Variants in SLC25A28 observed in about 807,000 individuals in gnomAD.
SLC25A28 encodes solute carrier family 25 member 28, also known as mitoferrin-2.
SLC25A28 carries 10 observed loss-of-function variants against 31.9 expected under a neutral mutation model. That is an observed-to-expected ratio of 0.31 (90% CI 0.19 to 0.53). The LOEUF (loss-of-function observed/expected upper bound fraction) is 0.53, where lower values mean the gene tolerates loss of function less well. Ranked by LOEUF, SLC25A28 falls within the 20% of genes least tolerant of loss-of-function variation. SLC25A28 has a pLI of 0.95. For missense variants in SLC25A28, 256 were observed against 490.3 expected (o/e 0.52, Z 4.51); for synonymous variants, 208 against 203.6 (o/e 1.02, Z -0.19).
At chr10:99,621,054 G>A (rs2034783143), upstream of SLC25A28, 1 of 881,892 alleles carries the variant, frequency 1.1e-6, no homozygotes, top group Non-Finnish European at 1.4e-6. Context: ...CGTGAGGCGG[G>A]GCCGGCCTGG....
In SLC25A28 at chr10:99,611,904, A is replaced by C. The variant is rs1193796804; in HGVS notation, c.578-538T>G. 6.6e-6 allele frequency among the ~76,000 whole-genome samples: 1 copy of C among 152,230 alleles called. No individual in the cohort carries two copies. The highest frequency in any genetic ancestry group is 1.5e-5 in the Non-Finnish European group (1 of 68,042). ...TCTTCAAACACCTCCCACTCCCTCA[A>C]GTAGATAACATGGTGTGAGCTCTGT... On this transcript the variant is annotated intron_variant, in intron 3 of 3. Coordinates refer to ENST00000370495, the MANE Select transcript of SLC25A28 (RefSeq NM_031212.4). This position sits in a 1 kb window ranked among gnomAD's most constrained non-coding sequence, Gnocchi z 5.5.
At chr10:99,640,963 C>A in the SLC25A28 span, among the ~76,000 whole-genome samples, 18 of 152,302 alleles carry the variant, frequency 1.2e-4, no homozygotes, top group East Asian at 2.9e-3. Flanking sequence ...TCCAGTCTAT[C>A]ATTGGTGGAC....
rs2034754472 is a variant in SLC25A28 at position 99,620,215 on chromosome 10, C to CTT, written c.120_121insAA (p.Ala41LysfsTer50). On this transcript the variant is annotated frameshift_variant, in exon 1 of 4. Transcript: ENST00000370495. LOFTEE classifies it high-confidence loss of function. Reference sequence around the variant, plus strand: ...CAGGCCCCGGCCTCCCCGCCGCCGGCCCCCCGGCCCACGCCCCGCTGCAGC... The same window carrying CTT: ...CAGGCCCCGGCCTCCCCGCCGCCGGCTTCCCCCGGCCCACGCCCCGCTGCAGC... The CTT allele has an allele frequency of 1.4e-6, 2 of 1,394,038 alleles. No homozygotes were observed. Among genetic ancestry groups the CTT allele is most frequent in the East Asian group, 6.1e-5 (2 of 32,830 alleles). The allele number at this position is 1,394,038 out of a possible 1,614,324, so 86.4% of individuals were successfully genotyped here. A position where few individuals can be genotyped will look rare whatever the true frequency, so the allele number is the denominator to read the frequency against.
At chr10:99,625,938 G>A in the SLC25A28 span, among the ~76,000 whole-genome samples, 3 of 152,196 alleles carry the variant, frequency 2.0e-5, no homozygotes, top group Admixed American at 6.5e-5. Flanking sequence ...CAGACCACTT[G>A]TGCTCAGACA....
Position 99,612,602 on chromosome 10 carries a change from G to A in SLC25A28, c.521-3C>T. 6.2e-7 allele frequency: 1 copy of A among 1,614,158 alleles called. No individual in the cohort carries two copies. Among genetic ancestry groups the A allele is most frequent in the Middle Eastern group, 1.7e-4 (1 of 6,060 alleles). ...TGTTGCCACACACCCGGCCGCACCTGCAAACAAGAAAACAACTGCCACATG... is the reference window on the plus strand; with the variant it reads ...TGTTGCCACACACCCGGCCGCACCTACAAACAAGAAAACAACTGCCACATG... On this transcript the variant is annotated splice_region_variant and splice_polypyrimidine_tract_variant and intron_variant, in intron 2 of 3. Transcript: ENST00000370495.
chr10:99,656,538 T>C, the SLC25A28 span, among the ~76,000 whole-genome samples: 13 of 152,006 alleles, frequency 8.6e-5, no homozygotes, highest in African/African-American at 2.9e-4. Flanking sequence ...TGAAGAGAGA[T>C]GGGTAAACTT....
chr10:99,622,706 A>G (rs2034819353), upstream of SLC25A28: 13 of 985,450 alleles, frequency 1.3e-5, no homozygotes, highest in Non-Finnish European at 1.3e-5. Flanking sequence ...TTCTCTAGCC[A>G]TTGAAGTGGA....
At chr10:99,659,220 G>A in the SLC25A28 span, among the ~76,000 whole-genome samples, 5 of 152,356 alleles carry the variant, frequency 3.3e-5, no homozygotes, top group African/African-American at 7.2e-5. The surrounding 1 kb of genome is among the most constrained non-coding windows in gnomAD (Gnocchi z 4.1). Context: ...AGGGAAGCGG[G>A]CACAGGGCCG....
chr10:99,646,368 G>A, the SLC25A28 span, among the ~76,000 whole-genome samples: 1 of 152,242 alleles, frequency 6.6e-6, no homozygotes, highest in South Asian at 2.1e-4. Flanking sequence ...CCATGTGTGG[G>A]ATATAATCTC....
the SLC25A28 span, among the ~76,000 whole-genome samples, chr10:99,628,066 G>C: frequency 1.3e-5 from 2 of 152,188 alleles, no homozygotes; most frequent in Admixed American, 1.3e-4. Context: ...ATTCTCCTGA[G>C]AGCAAAGTAA....
At position 99,612,528 on chromosome 10, in the gene SLC25A28, T is replaced by C. The variant is rs752481720; in HGVS notation, c.577+15A>G. ...GTGCAGCTGCCCACAGAGTGATAGGTTGAGGAATCATTACCTTCCGCAGGG... is the reference window on the plus strand; with the variant it reads ...GTGCAGCTGCCCACAGAGTGATAGGCTGAGGAATCATTACCTTCCGCAGGG... On this transcript the variant is annotated intron_variant, in intron 3 of 3. Coordinates refer to ENST00000370495, the MANE Select transcript of SLC25A28 (RefSeq NM_031212.4). 6.2e-6 allele frequency: 10 copies of C among 1,613,820 alleles called. No individual in the cohort carries two copies. Among genetic ancestry groups the C allele is most frequent in the South Asian group, 4.4e-5 (4 of 91,084 alleles).
chr10:99,631,878 A>ATT, the SLC25A28 span, among the ~76,000 whole-genome samples: 9,538 of 92,334 alleles, frequency 0.1, 2,867 homozygotes, highest in East Asian at 0.2. Context: ...TCAGTATGTT[A>ATT]TTTTTTTTTT....
rs977889963 is a variant in SLC25A28, at chr10:99,613,216, G to C, written c.520+480C>G. ...CCTTGGCCCCACCCCCATTCATTTT[G>C]TCATGAGGCTTTGTCATGTTCTCAA... On this transcript the variant is annotated intron_variant, in intron 2 of 3. Coordinates refer to ENST00000370495, the MANE Select transcript of SLC25A28 (RefSeq NM_031212.4). This position sits in a 1 kb window ranked among gnomAD's most constrained non-coding sequence, Gnocchi z 4.9. Among the ~76,000 whole-genome samples the C allele has an allele frequency of 1.3e-5, 2 of 152,050 alleles. No homozygotes were observed. The highest frequency in any genetic ancestry group is 2.9e-5 in the Non-Finnish European group (2 of 68,012).
chr10:99,616,296 T>TA (rs764683854), intron 1 of SLC25A28: 8 of 827,718 alleles, frequency 9.7e-6, no homozygotes, highest in Admixed American at 6.2e-5. Context: ...GTATGTCACT[T>TA]AACCTCTTTA....
chr10:99,635,033 A>G, the SLC25A28 span, among the ~76,000 whole-genome samples: 3 of 152,356 alleles, frequency 2.0e-5, no homozygotes, highest in South Asian at 6.2e-4. Context: ...AAAATTTTGT[A>G]TCCAGCAAGA....
chr10:99,624,187 CCTTCCTTCTTT>C (rs2034840983), upstream of SLC25A28, among the ~76,000 whole-genome samples: 1 of 144,284 alleles, frequency 6.9e-6, no homozygotes, highest in Non-Finnish European at 1.5e-5. Context: ...TTTTTTTCTT[CCTTCCTTCTTT>C]CTTTGTTTCT....
At chr10:99,653,825 C>A in the SLC25A28 span, 1 of 152,134 alleles carries the variant, frequency 6.6e-6, no homozygotes, top group South Asian at 2.1e-4. Context: ...CCAAACATAC[C>A]TGTTAAGGTC....
At chr10:99,633,452 T>A in the SLC25A28 span, among the ~76,000 whole-genome samples, 1 of 151,782 alleles carries the variant, frequency 6.6e-6, no homozygotes, top group Non-Finnish European at 1.5e-5. Flanking sequence ...TCCCAGCACT[T>A]TGGGAGGCTG....
rs566796382 is a variant in SLC25A28 at position 99,613,685 on chromosome 10, A to G, written c.520+11T>C. 2 of 1,614,244 alleles carry G rather than the reference A, an allele frequency of 1.2e-6. No individual in the cohort carries two copies. Among genetic ancestry groups the G allele is most frequent in the South Asian group, 1.1e-5 (1 of 91,080 alleles). ...GGAAAGTGGGGGAACCAGCACAGGA[A>G]GGCTCAATACCATTGGCAATATGGC... On this transcript the variant is annotated intron_variant, in intron 2 of 3. Coordinates refer to ENST00000370495, the MANE Select transcript of SLC25A28 (RefSeq NM_031212.4). This position sits in a 1 kb window ranked among gnomAD's most constrained non-coding sequence, Gnocchi z 4.9.
Sources: allele counts gnomAD v4.1 joint callset (sites outside exome capture counted in the v4.1 genomes callset), GRCh38; gene constraint gnomAD v4.1.1; non-coding constraint Gnocchi (gnomAD v3.1); transcripts MANE v1.5; gene names NCBI Gene and HGNC (gene_info 2026-07-23, HGNC 2026-07-21).